The following CACNA2D1 variants were observed in gnomAD, a reference collection of about 807,000 sequenced individuals.
CACNA2D1 encodes the protein voltage-dependent calcium channel subunit alpha-2/delta-1.
Under a neutral mutation model 171.5 loss-of-function variants are expected in CACNA2D1, and 53 were observed. The observed-to-expected ratio is 0.31, with a 90% CI of 0.25 to 0.39. CACNA2D1 has a LOEUF of 0.39. CACNA2D1 is among the 10% of genes least tolerant of loss of function. The pLI is 1.00. For synonymous variants in CACNA2D1, 442 were observed against 443.1 expected (o/e 1.00, Z 0.03); for missense variants, 903 against 1,299.8 (o/e 0.69, Z 4.69).
intron 3 of CACNA2D1, among the ~76,000 whole-genome samples, chr7:82,201,692 C>A (rs2129206288): frequency 6.6e-6 from 1 of 152,250 alleles, no homozygotes; most frequent in East Asian, 1.9e-4. Flanking sequence ...TCGCTAGTCC[C>A]CACCTCTTCT....
At chr7:82,110,660 G>A (rs932689979) in intron 6 of CACNA2D1, among the ~76,000 whole-genome samples, 6 of 152,038 alleles carry the variant, frequency 3.9e-5, no homozygotes, top group African/African-American at 1.4e-4. Context: ...CTGATTATGA[G>A]CCCACCATGC....
intron 3 of CACNA2D1, among the ~76,000 whole-genome samples, chr7:82,333,584 C>T (rs1653664672): frequency 6.6e-6 from 1 of 151,872 alleles, no homozygotes; most frequent in East Asian, 1.9e-4. Flanking sequence ...AAAGACCCGC[C>T]CCCATGATTC....
Position 82,443,246 on chromosome 7 carries a change from C to T in CACNA2D1, c.95+119G>A, listed in dbSNP as rs1230811780. The stretch of plus-strand genomic sequence containing the variant: ...CGTCTCCGCATCCGAGCCTGGCTCC[C>T]CGGCCGCTCGCTCCCCACCCCCACG... On this transcript the variant is annotated intron_variant, in intron 1 of 38. Transcript: ENST00000356860. 19 of 990,064 alleles carry T rather than the reference C, an allele frequency of 1.9e-5. No homozygotes were observed. The African/African-American group carries it at 3.1e-4, about 16-fold the overall frequency. 61.3% of individuals were successfully genotyped at this position (990,064 alleles called of 1,614,324 possible). A position where few individuals can be genotyped will look rare whatever the true frequency, so the allele number is the denominator to read the frequency against.
intron 16 of CACNA2D1, among the ~76,000 whole-genome samples, chr7:82,007,025 T>C (rs532139431): frequency 2.6e-5 from 4 of 152,048 alleles, no homozygotes; most frequent in Admixed American, 6.6e-5. Context: ...AGCTAAAAAA[T>C]TGGAATGCAA....
chr7:82,395,864 C>T (rs1480776111), intron 1 of CACNA2D1, among the ~76,000 whole-genome samples: 1 of 152,036 alleles, frequency 6.6e-6, no homozygotes, highest in Non-Finnish European at 1.5e-5. Context: ...CTTTGAGTCC[C>T]AATCATTGGC....
intron 3 of CACNA2D1, among the ~76,000 whole-genome samples, chr7:82,286,332 G>A (rs1402761770): frequency 2.0e-5 from 3 of 151,842 alleles, no homozygotes; most frequent in Non-Finnish European, 4.4e-5. Flanking sequence ...CCTCATACTC[G>A]CTATTTTTCT....
intron 30 of CACNA2D1, 99 bp from the exon 31 acceptor site, chr7:81,967,306 A>T (rs1794809524): frequency 7.8e-6 from 8 of 1,031,740 alleles, no homozygotes; most frequent in Admixed American, 3.7e-5. Context: ...TAATTTATCC[A>T]GTAGAAAAAT....
rs1786887161 is a variant in CACNA2D1 at position 81,969,064 on chromosome 7, T to C, written c.2309-91A>G. 5 of 802,260 alleles carry C rather than the reference T, an allele frequency of 6.2e-6. No individual in the cohort carries two copies. In the Admixed American group the frequency reaches 1.0e-4, roughly 16 times the overall value. 49.7% of individuals were successfully genotyped at this position (802,260 alleles called of 1,614,324 possible). On this transcript the variant is annotated intron_variant, in intron 28 of 38. Coordinates refer to ENST00000356860, the MANE Select transcript of CACNA2D1 (RefSeq NM_000722.4). Reference sequence around the variant, plus strand: ...TCATTAGATACAAATGGATAGTATTTTGCTTAAAAATTCTAGCATCTACAA... The same window carrying C: ...TCATTAGATACAAATGGATAGTATTCTGCTTAAAAATTCTAGCATCTACAA...
intron 1 of CACNA2D1, among the ~76,000 whole-genome samples, chr7:82,352,908 G>T (rs1820018627): frequency 6.6e-6 from 1 of 152,178 alleles, no homozygotes; most frequent in Admixed American, 6.5e-5. Flanking sequence ...ATGAGGGCAG[G>T]AGTGATAGGG....
At chr7:82,255,622 T>C (rs187475678) in intron 3 of CACNA2D1, among the ~76,000 whole-genome samples, 109 of 152,316 alleles carry the variant, frequency 7.2e-4, no homozygotes, top group Non-Finnish European at 7.4e-5. Flanking sequence ...AAAATTGTTT[T>C]TGAGCCTGGA....
intron 7 of CACNA2D1, among the ~76,000 whole-genome samples, chr7:82,067,097 T>G (rs1274829768): frequency 6.6e-6 from 1 of 152,188 alleles, no homozygotes. Context: ...AACAATCTTG[T>G]ATGACTTTCA....
At chr7:82,093,924 A>C (rs1811540967) in intron 6 of CACNA2D1, among the ~76,000 whole-genome samples, 1 of 152,220 alleles carries the variant, frequency 6.6e-6, no homozygotes, top group Non-Finnish European at 1.5e-5. Flanking sequence ...GAGACTGCCC[A>C]ACTGCATAAG....
intron 1 of CACNA2D1, among the ~76,000 whole-genome samples, chr7:82,426,164 TAAA>T: frequency 7.3e-6 from 1 of 136,068 alleles, no homozygotes; most frequent in Non-Finnish European, 1.5e-5. Flanking sequence ...AATAAATAAA[TAAA>T]TAAATAAATA....
chr7:82,404,227 A>G (rs1223049483), intron 1 of CACNA2D1, among the ~76,000 whole-genome samples: 1 of 152,090 alleles, frequency 6.6e-6, no homozygotes, highest in Non-Finnish European at 1.5e-5. Context: ...GAGCCGATAA[A>G]GCCCTATCAC....
chr7:82,110,334 G>T (rs1257004343), intron 6 of CACNA2D1, among the ~76,000 whole-genome samples: 1 of 152,052 alleles, frequency 6.6e-6, no homozygotes, highest in Non-Finnish European at 1.5e-5. Flanking sequence ...AGGATTAGTG[G>T]CCTCATGAGA....
chr7:82,195,859 A>G (rs1798799336), intron 3 of CACNA2D1, among the ~76,000 whole-genome samples: 1 of 151,990 alleles, frequency 6.6e-6, no homozygotes, highest in Non-Finnish European at 1.5e-5. Context: ...AATGGCAGAA[A>G]GGGTCTTAAC....
At chr7:82,014,795 C>T (rs1014367954) in intron 12 of CACNA2D1, among the ~76,000 whole-genome samples, 5 of 152,072 alleles carry the variant, frequency 3.3e-5, no homozygotes, top group Admixed American at 6.6e-5. Context: ...GGCTCACGCT[C>T]GTAATCCCAG....
intron 11 of CACNA2D1, among the ~76,000 whole-genome samples, chr7:82,034,824 A>T (rs1261686675): frequency 6.6e-6 from 1 of 152,098 alleles, no homozygotes; most frequent in Admixed American, 6.6e-5. Flanking sequence ...GATCATTTGT[A>T]TACTTACGTA....
intron 5 of CACNA2D1, among the ~76,000 whole-genome samples, chr7:82,125,896 A>G (rs1790279706): frequency 6.6e-6 from 1 of 152,206 alleles, no homozygotes; most frequent in South Asian, 2.1e-4. Context: ...AAATATCTCA[A>G]TATAATGCCC....
Sources: gnomAD v4.1 joint callset for allele counts (sites outside exome capture counted in the v4.1 genomes callset) on GRCh38, gnomAD v4.1.1 for gene constraint, MANE v1.5 for transcripts, NCBI Gene and HGNC (gene_info 2026-07-23, HGNC 2026-07-21) for gene names.